Variants in SIL1 observed in about 807,000 individuals in gnomAD.
SIL1 encodes the protein nucleotide exchange factor SIL1.
Under a neutral mutation model 49.1 loss-of-function variants are expected in SIL1, and 40 were observed. That is an observed-to-expected ratio of 0.81 (90% CI 0.63 to 1.06). The LOEUF (loss-of-function observed/expected upper bound fraction) is 1.06. Ranked by LOEUF, SIL1 falls within the 50% of genes least tolerant of loss-of-function variation. The pLI, the probability that SIL1 is intolerant of heterozygous loss-of-function variation, is 0.00. For synonymous variants in SIL1, 253 were observed against 250.8 expected, an observed-to-expected ratio of 1.01 and a Z score of -0.08; for missense variants, 500 against 572.6, an observed-to-expected ratio of 0.87 and a Z score of 1.29.
Position 138,960,413 on chromosome 5 carries a change from C to CTTT in SIL1, c.768-8532_768-8530dup, listed in dbSNP as rs150578906. ...TGTTCAAGCTGCTACAAATCTACGTCTTTTTTTTTTTTTTTTTTTTTTGAT... is the reference window on the plus strand; with the variant it reads ...TGTTCAAGCTGCTACAAATCTACGTCTTTTTTTTTTTTTTTTTTTTTTTTTGAT... On this transcript the variant is annotated intron_variant, in intron 7 of 9. Transcript: ENST00000394817. Among the ~76,000 whole-genome samples, 105 of 124,226 alleles carry CTTT rather than the reference C, an allele frequency of 8.5e-4. 1 individual carries two copies. The highest frequency in any genetic ancestry group is 1.6e-3 in the African/African-American group (50 of 30,974). 81.5% of individuals were successfully genotyped at this position (124,226 alleles called of 152,430 possible).
rs972602141 is a variant in SIL1, at chr5:138,987,025, G to GA, written c.767+34145dup. On this transcript the variant is annotated intron_variant, in intron 7 of 9. Transcript: ENST00000394817. ...CATAGGTACCTAAAACATGGGAGGG[G>GA]AAAAAAAATTGGGTCAATTTGATAT... 3.3e-5 allele frequency among the ~76,000 whole-genome samples: 5 copies of GA among 149,358 alleles called. No homozygotes were observed. In the South Asian group the frequency reaches 8.5e-4, roughly 25 times the overall value.
chr5:139,062,828 G>C (rs971507020), intron 3 of SIL1, among the ~76,000 whole-genome samples: 15 of 152,230 alleles, frequency 9.9e-5, no homozygotes, highest in African/African-American at 3.6e-4. Flanking sequence ...GACTGGGCAA[G>C]AGTCTGCTCT....
At chr5:139,077,289 G>A (rs1387604581) in intron 3 of SIL1, among the ~76,000 whole-genome samples, 3 of 152,088 alleles carry the variant, frequency 2.0e-5, no homozygotes, top group Admixed American at 6.5e-5. Context: ...ATACCTTTAT[G>A]AACAAAATAC....
intron 1 of SIL1, among the ~76,000 whole-genome samples, chr5:139,158,830 A>G (rs1162931847): frequency 6.6e-6 from 1 of 152,210 alleles, no homozygotes; most frequent in Non-Finnish European, 1.5e-5. Context: ...TCTGGCTCCA[A>G]ATTAGCTTTC....
chr5:139,005,257 T>A (rs546575927), intron 7 of SIL1, among the ~76,000 whole-genome samples: 18 of 151,716 alleles, frequency 1.2e-4, no homozygotes, highest in East Asian at 9.7e-4. Flanking sequence ...TAAAAAAAAA[T>A]TTTTTTTAAT....
At chr5:138,979,916 G>A (rs1767479510) in intron 7 of SIL1, among the ~76,000 whole-genome samples, 1 of 152,206 alleles carries the variant, frequency 6.6e-6, no homozygotes, top group Non-Finnish European at 1.5e-5. Context: ...TGACTGAAAT[G>A]CTCAGGTAGT....
chr5:139,140,353 C>A (rs575213677), intron 1 of SIL1, among the ~76,000 whole-genome samples: 42 of 151,968 alleles, frequency 2.8e-4, no homozygotes, highest in Non-Finnish European at 5.3e-4. Flanking sequence ...AATTGGGGAG[C>A]CCCAAGAAAA....
intron 5 of SIL1, among the ~76,000 whole-genome samples, chr5:139,028,304 C>A (rs891780285): frequency 3.3e-5 from 5 of 151,856 alleles, no homozygotes; most frequent in African/African-American, 1.2e-4. Flanking sequence ...TCAAGACCAG[C>A]CTGACCAATA....
At chr5:138,960,214 A>G (rs1766988305) in intron 7 of SIL1, among the ~76,000 whole-genome samples, 1 of 152,114 alleles carries the variant, frequency 6.6e-6, no homozygotes, top group African/African-American at 2.4e-5. Flanking sequence ...TGTATCTTAC[A>G]TGGTTATCTC....
At chr5:139,140,248 C>T (rs1020613154) in intron 1 of SIL1, among the ~76,000 whole-genome samples, 8 of 148,862 alleles carry the variant, frequency 5.4e-5, no homozygotes, top group Middle Eastern at 7.0e-3. Context: ...CCAGCCTGGG[C>T]GACAGAGCAA....
chr5:139,041,741 T>G (rs1769051321), intron 5 of SIL1, among the ~76,000 whole-genome samples: 1 of 151,444 alleles, frequency 6.6e-6, no homozygotes, highest in Non-Finnish European at 1.5e-5. Context: ...GAGGTGGACC[T>G]TGCAGTGAGC....
intron 7 of SIL1, among the ~76,000 whole-genome samples, chr5:138,952,459 T>A (rs1766803666): frequency 6.6e-6 from 1 of 152,144 alleles, no homozygotes; most frequent in African/African-American, 2.4e-5. Context: ...CCCAGGCAGA[T>A]CCTAAAACAG....
chr5:139,019,130 C>A (rs1357702532), intron 7 of SIL1, among the ~76,000 whole-genome samples: 1 of 152,224 alleles, frequency 6.6e-6, no homozygotes, highest in Admixed American at 6.5e-5. Flanking sequence ...CATCTGAACA[C>A]CCTCTTGATA....
chr5:139,035,660 T>C, intron 5 of SIL1: 1 of 273,862 alleles, frequency 3.7e-6, no homozygotes, highest in Non-Finnish European at 7.1e-6. Context: ...TTTTTTTTTT[T>C]TTTTTTTGAG....
intron 7 of SIL1, among the ~76,000 whole-genome samples, chr5:138,975,522 C>T (rs546115673): frequency 5.3e-5 from 8 of 152,274 alleles, no homozygotes; most frequent in African/African-American, 1.7e-4. Flanking sequence ...AGGACAGAGT[C>T]CCCAGATACT....
At chr5:139,180,520 A>G (rs1751964879) in intron 1 of SIL1, among the ~76,000 whole-genome samples, 1 of 151,840 alleles carries the variant, frequency 6.6e-6, no homozygotes, top group Admixed American at 6.6e-5. Context: ...CTTCCTAACC[A>G]GAATTGGGAA....
At chr5:139,122,985 A>G (rs1208511251) in intron 2 of SIL1, among the ~76,000 whole-genome samples, 1 of 152,132 alleles carries the variant, frequency 6.6e-6, no homozygotes, top group Non-Finnish European at 1.5e-5. Context: ...CACATTTTCA[A>G]CATGAAAATA....
chr5:139,131,071 A>G (rs73790613), intron 1 of SIL1, among the ~76,000 whole-genome samples: 4,591 of 152,338 alleles, frequency 0.03, 243 homozygotes, highest in African/African-American at 0.1. Flanking sequence ...CTTAATCCAA[A>G]TTAGCAAATG....
At chr5:139,072,462 CTCT>C (rs1245309672) in intron 3 of SIL1, among the ~76,000 whole-genome samples, 1 of 152,088 alleles carries the variant, frequency 6.6e-6, no homozygotes, top group Non-Finnish European at 1.5e-5. Flanking sequence ...AAAGGACAGT[CTCT>C]TCAATAAATG....
Sources: allele counts gnomAD v4.1 joint callset (sites outside exome capture counted in the v4.1 genomes callset), GRCh38; gene constraint gnomAD v4.1.1; transcripts MANE v1.5; gene names NCBI Gene and HGNC (gene_info 2026-07-23, HGNC 2026-07-21).